Variants in VPS13C observed in about 807,000 individuals in gnomAD.
The protein encoded by VPS13C is intermembrane lipid transfer protein VPS13C.
Under a neutral mutation model 456.8 loss-of-function variants are expected in VPS13C, and 358 were observed. The ratio of observed to expected loss-of-function variants is 0.78; its 90% CI spans 0.72 to 0.86. The LOEUF (loss-of-function observed/expected upper bound fraction) is 0.86. Ranked by LOEUF, VPS13C falls within the 40% of genes least tolerant of loss-of-function variation. The pLI is 0.00. For missense variants in VPS13C, 4,818 were observed against 4,385.4 expected (o/e 1.10, Z -2.79); for synonymous variants, 1,578 against 1,486.7 (o/e 1.06, Z -1.41).
At chr15:61,916,207 C>T (rs1485891313) in intron 60 of VPS13C, among the ~76,000 whole-genome samples, 185 bp from the exon 61 acceptor site, 1 of 152,122 alleles carries the variant, frequency 6.6e-6, no homozygotes, top group East Asian at 1.9e-4. Flanking sequence ...AACGCTACAC[C>T]ATAGCCACAG....
At chr15:61,960,015 T>C (rs142909533) in intron 35 of VPS13C, among the ~76,000 whole-genome samples, 193 of 152,312 alleles carry the variant, frequency 1.3e-3, no homozygotes, top group Non-Finnish European at 2.4e-3. Flanking sequence ...TAGGATTATT[T>C]TCTAGACTTG....
intron 37 of VPS13C, among the ~76,000 whole-genome samples, chr15:61,955,011 G>A (rs1232896229): frequency 6.6e-6 from 1 of 152,014 alleles, no homozygotes. Flanking sequence ...ACAACAAGAG[G>A]TAATACTACA....
chr15:61,959,115 T>A (rs2045106738), intron 36 of VPS13C, among the ~76,000 whole-genome samples: 1 of 152,012 alleles, frequency 6.6e-6, no homozygotes, highest in African/African-American at 2.4e-5. Context: ...AAAGTAAATA[T>A]TTCCCTCAAT....
intron 29 of VPS13C, 35 bp from the exon 30 acceptor site, chr15:61,966,177 T>G: frequency 6.7e-7 from 1 of 1,502,686 alleles, no homozygotes; most frequent in Non-Finnish European, 9.1e-7. Context: ...AAGAAGGTAC[T>G]AGGATCGAAG....
chr15:61,891,832 CA>C (rs2042661381), intron 66 of VPS13C, among the ~76,000 whole-genome samples: 1 of 151,978 alleles, frequency 6.6e-6, no homozygotes. Flanking sequence ...CACAGAAAAC[CA>C]AACATAAACT....
chr15:61,886,128 A>G (rs917133992), intron 67 of VPS13C, among the ~76,000 whole-genome samples: 1 of 152,162 alleles, frequency 6.6e-6, no homozygotes, highest in Non-Finnish European at 1.5e-5. Flanking sequence ...CAATTAACTC[A>G]CTATTGGTAA....
chr15:61,957,007 T>C (rs1173022355), intron 37 of VPS13C, among the ~76,000 whole-genome samples: 1 of 152,128 alleles, frequency 6.6e-6, no homozygotes, highest in Non-Finnish European at 1.5e-5. Flanking sequence ...CACAATAACA[T>C]TCATAGCAAT....
At position 61,910,261 on chromosome 15, in the gene VPS13C, C is replaced by T. The variant is rs757101970; in HGVS notation, c.8760G>A (p.Val2920=). The change falls in exon 64 of 85, where the codon GTG becomes GTA. Residue 2920 remains valine, a synonymous_variant. Transcript: ENST00000644861. The stretch of plus-strand genomic sequence containing the variant: ...AAGATCCTTCACAGCCCACCACTCT[C>T]ACACAAAGTTTGCCTGACAAACTTT... ...WPESLSGKLC[V]RVVGCEGSSK... The T allele has an allele frequency of 1.3e-6, 2 of 1,527,612 alleles. No homozygotes were observed. The highest frequency in any genetic ancestry group is 1.8e-6 in the Non-Finnish European group (2 of 1,131,874). The allele number at this position is 1,527,612 out of a possible 1,614,324, so 94.6% of individuals were successfully genotyped here.
In VPS13C at chr15:61,925,399, T is replaced by C. The variant is rs1365121169; in HGVS notation, c.6609+57A>G. 29 of 1,030,940 alleles carry C rather than the reference T, an allele frequency of 2.8e-5. 1 individual carries two copies. The highest frequency in any genetic ancestry group is 2.8e-4 in the South Asian group (13 of 47,040). The allele number at this position is 1,030,940 out of a possible 1,614,324, so 63.9% of individuals were successfully genotyped here. A position where few individuals can be genotyped will look rare whatever the true frequency, so the allele number is the denominator to read the frequency against. ...AAAGATACTGTCTCAACTGCAAATA[T>C]GCAATGTCGTGAAGAAAAATAAGAA... is the stretch of plus-strand genomic sequence containing the variant. On this transcript the variant is annotated intron_variant, in intron 53 of 84. Transcript: ENST00000644861.
chr15:62,031,161 C>T (rs1418610377), intron 5 of VPS13C, among the ~76,000 whole-genome samples: 3 of 151,928 alleles, frequency 2.0e-5, no homozygotes, highest in Non-Finnish European at 4.4e-5. Flanking sequence ...TATTCCTATA[C>T]GATAGTGGGA....
intron 5 of VPS13C, 84 bp from the exon 6 acceptor site, chr15:62,028,504 T>A: frequency 1.6e-6 from 2 of 1,268,678 alleles, no homozygotes; most frequent in Non-Finnish European, 1.1e-6. Context: ...TACCTAAATT[T>A]AATTTCATAT....
At chr15:62,052,614 A>T (rs1367059755) in intron 1 of VPS13C, among the ~76,000 whole-genome samples, 2 of 146,108 alleles carry the variant, frequency 1.4e-5, no homozygotes, top group Admixed American at 7.0e-5. Context: ...CAGAGCTTGC[A>T]GTGAGCCGAG....
intron 18 of VPS13C, 79 bp from the exon 19 acceptor site, chr15:61,985,078 G>C: frequency 1.7e-6 from 2 of 1,178,842 alleles, no homozygotes; most frequent in Non-Finnish European, 1.1e-6. Context: ...ATTTAAATTT[G>C]CTGAATTATA....
At chr15:62,025,305 AC>A (rs2047600162) in intron 6 of VPS13C, among the ~76,000 whole-genome samples, 3 of 152,110 alleles carry the variant, frequency 2.0e-5, no homozygotes, top group Non-Finnish European at 4.4e-5. Flanking sequence ...CAAAAATAAA[AC>A]CCTCAGTTTC....
At chr15:61,868,854 T>C (rs1196005419) in intron 80 of VPS13C, 81 bp from the exon 81 acceptor site, 2 of 1,115,334 alleles carry the variant, frequency 1.8e-6, no homozygotes, top group Admixed American at 6.3e-5. Context: ...AATACATAAA[T>C]ATTTCACAAA....
chr15:61,988,705 A>T (rs966730940), intron 18 of VPS13C, among the ~76,000 whole-genome samples: 4 of 152,236 alleles, frequency 2.6e-5, no homozygotes, highest in Non-Finnish European at 4.4e-5. Flanking sequence ...ACAAAGTTAC[A>T]GTAACTAAGA....
intron 5 of VPS13C, among the ~76,000 whole-genome samples, chr15:62,030,833 A>G (rs1256099870): frequency 6.6e-6 from 1 of 152,112 alleles, no homozygotes; most frequent in Non-Finnish European, 1.5e-5. Flanking sequence ...AAATATTACT[A>G]ACTCAAAGGA....
intron 55 of VPS13C, among the ~76,000 whole-genome samples, chr15:61,921,010 G>A (rs935507095): frequency 6.6e-6 from 1 of 152,028 alleles, no homozygotes; most frequent in Admixed American, 6.6e-5. Context: ...CCCTATTAGA[G>A]GTGCCACCTG....
chr15:62,040,762 C>T (rs2048214930), intron 3 of VPS13C, among the ~76,000 whole-genome samples: 1 of 151,938 alleles, frequency 6.6e-6, no homozygotes, highest in South Asian at 2.1e-4. Flanking sequence ...ATAGCATGGA[C>T]TAGATGGGAA....
Sources: gnomAD v4.1 joint callset for allele counts (sites outside exome capture counted in the v4.1 genomes callset) on GRCh38, gnomAD v4.1.1 for gene constraint, MANE v1.5 for transcripts, NCBI Gene and HGNC (gene_info 2026-07-23, HGNC 2026-07-21) for gene names.